TMEM131L: variants seen among roughly 807,000 people sequenced by gnomAD.
TMEM131L encodes the protein transmembrane 131 like.
TMEM131L carries 54 observed loss-of-function variants against 192.2 expected under a neutral mutation model. That is an observed-to-expected ratio of 0.28 (90% confidence interval 0.23 to 0.35). The LOEUF is 0.35. TMEM131L is among the 10% of genes least tolerant of loss of function. The pLI is 1.00. For missense variants in TMEM131L, 1,888 were observed against 1,972.9 expected (o/e 0.96, Z 0.82); for synonymous variants, 701 against 704.9 (o/e 0.99, Z 0.09).
At chr4:153,617,972 A>T (rs1338625633) in intron 26 of TMEM131L, among the ~76,000 whole-genome samples, 2 of 151,998 alleles carry the variant, frequency 1.3e-5, no homozygotes, top group African/African-American at 2.4e-5. Context: ...TCTGTGTTAA[A>T]GATATCAACT....
chr4:153,476,110 A>G (rs1350497626), intron 3 of TMEM131L, among the ~76,000 whole-genome samples: 1 of 151,970 alleles, frequency 6.6e-6, no homozygotes, highest in Non-Finnish European at 1.5e-5. Flanking sequence ...AGGTGCACAC[A>G]ATCACGCCCG....
intron 3 of TMEM131L, among the ~76,000 whole-genome samples, chr4:153,485,277 A>G (rs1732249042): frequency 6.6e-6 from 1 of 152,140 alleles, no homozygotes; most frequent in South Asian, 2.1e-4. Flanking sequence ...TCTCTAACAT[A>G]CATGTACACA....
chr4:153,476,420 A>C (rs1452442118), intron 3 of TMEM131L, among the ~76,000 whole-genome samples: 3 of 152,170 alleles, frequency 2.0e-5, no homozygotes, highest in Non-Finnish European at 2.9e-5. Flanking sequence ...GGGTAGGGCC[A>C]GGCGCAGTGG....
intron 7 of TMEM131L, among the ~76,000 whole-genome samples, chr4:153,573,417 GCCCAGCATCA>G (rs935721442): frequency 6.6e-6 from 1 of 152,224 alleles, no homozygotes; most frequent in African/African-American, 2.4e-5. Flanking sequence ...TTTGTTTGAG[GCCCAGCATCA>G]TCCAATTGTA....
chr4:153,551,816 C>T (rs1432213274), intron 4 of TMEM131L, among the ~76,000 whole-genome samples: 2 of 152,066 alleles, frequency 1.3e-5, no homozygotes, highest in Admixed American at 1.3e-4. Context: ...TTAATAGAAG[C>T]TGAATGCTTA....
chr4:153,585,758 CAT>C, intron 13 of TMEM131L, 147 bp downstream of exon 13: 1 of 504,448 alleles, frequency 2.0e-6, no homozygotes, highest in Middle Eastern at 5.8e-4. Context: ...ATTTTTAAAA[CAT>C]GTATTTTTCT....
chr4:153,508,870 C>A lies in TMEM131L; in HGVS notation c.239+34982C>A, dbSNP rs563992461. Among the ~76,000 whole-genome samples, 613 of 152,004 alleles carry A rather than the reference C, an allele frequency of 4.0e-3. 6 individuals are homozygous for A. Among genetic ancestry groups the A allele is most frequent in the Non-Finnish European group, 4.5e-3 (305 of 67,950 alleles). ...TCTTGCCCAGGTTGGTCTCAAACTC[C>A]TGAGCTCAAGTGATCTTCCCGCCTT... is the stretch of plus-strand genomic sequence containing the variant. On this transcript the variant is annotated intron_variant, in intron 3 of 34. Coordinates refer to ENST00000409959, the MANE Select transcript of TMEM131L (RefSeq NM_001131007.2).
chr4:153,537,405 C>T (rs998432242), intron 3 of TMEM131L, among the ~76,000 whole-genome samples: 2 of 152,110 alleles, frequency 1.3e-5, no homozygotes, highest in Admixed American at 6.5e-5. Context: ...AGAAAGTAAA[C>T]GAATGAAAGA....
At position 153,632,925 on chromosome 4, in the gene TMEM131L, C is replaced by T. The variant is rs1734313363; in HGVS notation, c.4328+87C>T. 8 of 1,504,128 alleles carry T rather than the reference C, an allele frequency of 5.3e-6. No homozygotes were observed. The South Asian group carries it at 6.1e-5, about 11-fold the overall frequency. 93.2% of individuals were successfully genotyped at this position (1,504,128 alleles called of 1,614,324 possible). On this transcript the variant is annotated intron_variant, in intron 32 of 34. Coordinates refer to ENST00000409959, the MANE Select transcript of TMEM131L (RefSeq NM_001131007.2). ...AGTTCAGTTTCTTAGGGTTTCCTTA[C>T]AAAAATGAAGGCTAGGCTTCTTCCT...
At chr4:153,521,862 GTTT>G (rs34480228) in intron 3 of TMEM131L, among the ~76,000 whole-genome samples, 4,678 of 137,108 alleles carry the variant, frequency 0.034, 81 homozygotes, top group Middle Eastern at 0.055. Flanking sequence ...TGTTTTCTGT[GTTT>G]TTTTTTTTTT....
intron 3 of TMEM131L, among the ~76,000 whole-genome samples, chr4:153,504,068 G>A (rs1227987296): frequency 1.3e-5 from 2 of 151,648 alleles, no homozygotes; most frequent in African/African-American, 2.4e-5. Flanking sequence ...CTGGGTTCAC[G>A]CCATTCTCCT....
intron 7 of TMEM131L, chr4:153,558,834 C>G (rs1447542946): frequency 6.6e-6 from 1 of 152,342 alleles, no homozygotes; most frequent in African/African-American, 2.4e-5. Context: ...TTAGCCCTGC[C>G]CGGATGGGGC....
intron 7 of TMEM131L, among the ~76,000 whole-genome samples, chr4:153,561,021 T>C (rs551029275): frequency 2.2e-4 from 34 of 152,242 alleles, no homozygotes; most frequent in Non-Finnish European, 4.1e-4. Flanking sequence ...GATTCCAGTC[T>C]TCTACAACTT....
At chr4:153,618,477 A>G (rs1310481446) in intron 26 of TMEM131L, among the ~76,000 whole-genome samples, 1 of 20,908 alleles carries the variant, frequency 4.8e-5, no homozygotes, top group Non-Finnish European at 1.1e-4. Context: ...CCCTGTCTCC[A>G]AAAAAAAAAA....
At chr4:153,527,354 C>T (rs911421145) in intron 3 of TMEM131L, among the ~76,000 whole-genome samples, 8 of 152,074 alleles carry the variant, frequency 5.3e-5, no homozygotes, top group Non-Finnish European at 7.4e-5. Flanking sequence ...CTCACTGCAG[C>T]CTCCGCCTCC....
intron 3 of TMEM131L, among the ~76,000 whole-genome samples, chr4:153,513,506 T>C (rs1360776083): frequency 6.6e-6 from 1 of 152,230 alleles, no homozygotes; most frequent in Non-Finnish European, 1.5e-5. Flanking sequence ...GTTTTCTTAC[T>C]TACTCTTTGA....
chr4:153,476,698 AC>A (rs1364619909), intron 3 of TMEM131L, among the ~76,000 whole-genome samples: 1 of 152,178 alleles, frequency 6.6e-6, no homozygotes, highest in Non-Finnish European at 1.5e-5. Flanking sequence ...CTCAAAAAAA[AC>A]AAAAACAAAA....
At chr4:153,489,276 C>T (rs1227470515) in intron 3 of TMEM131L, among the ~76,000 whole-genome samples, 2 of 152,166 alleles carry the variant, frequency 1.3e-5, no homozygotes, top group Admixed American at 6.5e-5. Flanking sequence ...AAGCTTCCTT[C>T]CTGAGAGCTG....
At chr4:153,481,924 GCAGCCTC>G (rs1406377454) in intron 3 of TMEM131L, among the ~76,000 whole-genome samples, 2 of 152,102 alleles carry the variant, frequency 1.3e-5, no homozygotes, top group South Asian at 2.1e-4. Context: ...TCGGCTCACT[GCAGCCTC>G]CATCTCCCAG....
Sources: gnomAD v4.1 joint callset for allele counts (sites outside exome capture counted in the v4.1 genomes callset) on GRCh38, gnomAD v4.1.1 for gene constraint, MANE v1.5 for transcripts, NCBI Gene and HGNC (gene_info 2026-07-23, HGNC 2026-07-21) for gene names.